Variants in CACHD1 observed in about 807,000 individuals in gnomAD.
CACHD1 encodes cache domain containing 1, also known as VWFA and cache domain-containing protein 1.
Under a neutral mutation model 138.7 loss-of-function variants are expected in CACHD1, and 71 were observed. That is an observed-to-expected ratio of 0.51 (90% CI 0.42 to 0.62). The LOEUF (loss-of-function observed/expected upper bound fraction) is 0.62. Ranked by LOEUF, CACHD1 falls within the 20% of genes least tolerant of loss-of-function variation. CACHD1 has a pLI of 0.00. For synonymous variants in CACHD1, 578 were observed against 591.5 expected, an observed-to-expected ratio of 0.98 and a Z score of 0.33; for missense variants, 1,389 against 1,625.3, an observed-to-expected ratio of 0.85 and a Z score of 2.50.
rs368860701 is a variant in CACHD1 at position 64,673,237 on chromosome 1, C to G, written c.2590C>G (p.Gln864Glu). ...CCCCAAAGGACATGCACCTGTGGAGCAGCAGCACATCACCCACAAGGTATT... is the reference window on the plus strand; with the variant it reads ...CCCCAAAGGACATGCACCTGTGGAGGAGCAGCACATCACCCACAAGGTATT... Reference protein sequence around the residue: ...IDPKGHAPVEQQHITHKEPLV... With the variant: ...IDPKGHAPVEEQHITHKEPLV... The change falls in exon 18 of 27, where the codon CAG becomes GAG. Residue 864 changes from glutamine (Q) to glutamate (E), a missense_variant. Around this residue, in one of 5 missense-constraint regions of CACHD1, gnomAD observed 1,000 missense variants for 1,114.7 expected, o/e 0.90. Coordinates refer to ENST00000651257, the MANE Select transcript of CACHD1 (RefSeq NM_020925.4). 1 of 1,614,072 alleles carries G rather than the reference C, an allele frequency of 6.2e-7. No individual in the cohort carries two copies. Among genetic ancestry groups the G allele is most frequent in the Non-Finnish European group, 8.5e-7 (1 of 1,179,982 alleles).
At chr1:64,632,845 A>G in intron 6 of CACHD1, 102 bp downstream of exon 6, 3 of 1,311,946 alleles carry the variant, frequency 2.3e-6, no homozygotes, top group Non-Finnish European at 3.2e-6. Context: ...CTTGACTTAC[A>G]ATGGGGTTAC....
intron 13 of CACHD1, among the ~76,000 whole-genome samples, chr1:64,660,204 G>T (rs1374504943): frequency 6.6e-6 from 1 of 152,202 alleles, no homozygotes; most frequent in Non-Finnish European, 1.5e-5. Context: ...GCTACTGCTG[G>T]TGAAAATTAG....
At chr1:64,530,920 CG>C (rs1186685561) in intron 1 of CACHD1, among the ~76,000 whole-genome samples, 2 of 82,672 alleles carry the variant, frequency 2.4e-5, no homozygotes, top group Admixed American at 3.2e-4. Flanking sequence ...AACATTCCAT[CG>C]TGTTTTTTTT....
intron 26 of CACHD1, among the ~76,000 whole-genome samples, chr1:64,682,899 C>CT (rs34723423): frequency 4.3e-4 from 63 of 147,632 alleles, no homozygotes; most frequent in South Asian, 6.4e-4. Context: ...ATTGTAAAAT[C>CT]TTTTTTTTTT....
At chr1:64,589,702 T>C (rs984907399) in intron 3 of CACHD1, among the ~76,000 whole-genome samples, 2 of 152,148 alleles carry the variant, frequency 1.3e-5, no homozygotes, top group African/African-American at 4.8e-5. Flanking sequence ...TGAGGCCCAC[T>C]GATGTTATGG....
In CACHD1 at chr1:64,664,614, T is replaced by C. The variant is rs748647478; in HGVS notation, c.2211T>C (p.Asn737=). Residue 737 remains asparagine, a synonymous_variant, in exon 15 of 27, where the codon AAT becomes AAC. Transcript: ENST00000651257. ...YIVRRYIATP[N]GVLRIYPGSL... ...TCCGCCGTTACATAGCAACACCCAATGGCGTCCTCAGAATTTATCCTGGTT... is the reference window on the plus strand; with the variant it reads ...TCCGCCGTTACATAGCAACACCCAACGGCGTCCTCAGAATTTATCCTGGTT... 1 of 1,614,160 alleles carries C rather than the reference T, an allele frequency of 6.2e-7. No homozygotes were observed. Among genetic ancestry groups the C allele is most frequent in the South Asian group, 1.1e-5 (1 of 91,078 alleles).
intron 4 of CACHD1, among the ~76,000 whole-genome samples, chr1:64,623,780 G>A (rs1647999729): frequency 6.6e-6 from 1 of 152,210 alleles, no homozygotes; most frequent in South Asian, 2.1e-4. Flanking sequence ...GTGTCTGTCT[G>A]AGGTAGGTGT....
intron 3 of CACHD1, among the ~76,000 whole-genome samples, chr1:64,597,386 C>T (rs1647162415): frequency 6.6e-6 from 1 of 152,070 alleles, no homozygotes; most frequent in Non-Finnish European, 1.5e-5. Context: ...AAGTGAACAT[C>T]TTGCAAGCCA....
At chr1:64,597,604 C>A (rs1429258813) in intron 3 of CACHD1, among the ~76,000 whole-genome samples, 2 of 131,136 alleles carry the variant, frequency 1.5e-5, no homozygotes, top group African/African-American at 5.8e-5. Flanking sequence ...GAATTTCAGA[C>A]ACTGGTTTTA....
intron 1 of CACHD1, chr1:64,506,144 C>G (rs1646374728): frequency 6.6e-6 from 1 of 152,260 alleles, no homozygotes; most frequent in Non-Finnish European, 1.5e-5. Flanking sequence ...CAGGTGCGAG[C>G]AAGGCCGACC....
At chr1:64,596,025 A>G (rs1048812808) in intron 3 of CACHD1, among the ~76,000 whole-genome samples, 3 of 152,076 alleles carry the variant, frequency 2.0e-5, no homozygotes, top group Admixed American at 1.3e-4. Flanking sequence ...AGGAAAAACT[A>G]TTTCTCGGAA....
intron 1 of CACHD1, among the ~76,000 whole-genome samples, chr1:64,499,143 C>T (rs575287435): frequency 4.6e-5 from 7 of 152,244 alleles, no homozygotes; most frequent in East Asian, 3.9e-4. Context: ...CCTCTGGACA[C>T]GGTGTTTTAC....
At chr1:64,690,236 T>A (rs1650504054) in intron 26 of CACHD1, among the ~76,000 whole-genome samples, 1 of 152,208 alleles carries the variant, frequency 6.6e-6, no homozygotes, top group Admixed American at 6.5e-5. Flanking sequence ...AATTCTATCA[T>A]TTGAGTAATG....
rs1001069165 is a variant in CACHD1, at chr1:64,649,240, C to T, written c.1390+1206C>T. Among the ~76,000 whole-genome samples the T allele has an allele frequency of 3.9e-5, 6 of 152,118 alleles. No homozygotes were observed. In the East Asian group the frequency reaches 5.8e-4, roughly 15 times the overall value. ...TAAAGAGACAGGGCCTGTCTCACCCCGGCCGGAGTGCAGTGGTGTGATCAT... is the reference window on the plus strand; with the variant it reads ...TAAAGAGACAGGGCCTGTCTCACCCTGGCCGGAGTGCAGTGGTGTGATCAT... On this transcript the variant is annotated intron_variant, in intron 9 of 26. Transcript: ENST00000651257.
intron 7 of CACHD1, 34 bp downstream of exon 7, chr1:64,634,294 AGTAG>A: frequency 6.6e-7 from 1 of 1,516,708 alleles, no homozygotes; most frequent in Non-Finnish European, 9.2e-7. Context: ...TTAGAGGCAT[AGTAG>A]ATAAAGATGG....
chr1:64,501,194 A>G (rs972656622), intron 1 of CACHD1, among the ~76,000 whole-genome samples: 1 of 152,208 alleles, frequency 6.6e-6, no homozygotes, highest in African/African-American at 2.4e-5. Flanking sequence ...CTGCATTTTA[A>G]TACAGAAGAA....
chr1:64,651,797 G>A (rs1216173309), intron 9 of CACHD1, among the ~76,000 whole-genome samples: 1 of 152,178 alleles, frequency 6.6e-6, no homozygotes, highest in Non-Finnish European at 1.5e-5. Context: ...GATCTTTCAA[G>A]TTCAGCTGAA....
intron 1 of CACHD1, among the ~76,000 whole-genome samples, chr1:64,495,223 T>C (rs1188909517): frequency 6.6e-6 from 1 of 152,106 alleles, no homozygotes; most frequent in African/African-American, 2.4e-5. Flanking sequence ...TAGAATTAAT[T>C]TGAAAACTGG....
At chr1:64,471,063 C>T (rs559647880) in intron 1 of CACHD1, 121 bp downstream of exon 1, 5 of 1,001,984 alleles carry the variant, frequency 5.0e-6, no homozygotes, top group South Asian at 1.9e-5. Context: ...TAGAGCCCGG[C>T]TTCCCGTCGG....
Sources: gnomAD v4.1 joint callset for allele counts (sites outside exome capture counted in the v4.1 genomes callset) on GRCh38, gnomAD v4.1.1 for gene constraint, gnomAD v4.1.1 regional missense constraint, MANE v1.5 for transcripts, NCBI Gene and HGNC (gene_info 2026-07-23, HGNC 2026-07-21) for gene names.